The following RAB1A variants were observed in gnomAD, a reference collection of about 807,000 sequenced individuals.
RAB1A encodes the protein RAB1A, member RAS oncogene family.
RAB1A carries 2 observed loss-of-function variants against 26.0 expected under a neutral mutation model. That is an observed-to-expected ratio of 0.08 (90% CI 0.03 to 0.24). The LOEUF (loss-of-function observed/expected upper bound fraction) is 0.24. Ranked by LOEUF, RAB1A falls within the 10% of genes least tolerant of loss-of-function variation. The pLI is 1.00. For synonymous variants in RAB1A, 84 were observed against 84.9 expected (o/e 0.99, Z 0.06); for missense variants, 100 against 247.0 (o/e 0.40, Z 3.99).
intron 2 of RAB1A, among the ~76,000 whole-genome samples, chr2:65,101,368 A>G (rs1374146558): frequency 6.6e-6 from 1 of 152,122 alleles, no homozygotes; most frequent in Non-Finnish European, 1.5e-5. Context: ...TCAACTCCTC[A>G]GCCAATAGAT....
chr2:65,110,437 T>TCAA (rs1168204017), intron 1 of RAB1A, among the ~76,000 whole-genome samples: 2 of 47,388 alleles, frequency 4.2e-5, no homozygotes, highest in Non-Finnish European at 1.0e-4. Context: ...CGAGACCGTC[T>TCAA]CAAAAAAAAA....
intron 1 of RAB1A, among the ~76,000 whole-genome samples, chr2:65,124,630 T>C (rs1011376066): frequency 6.6e-6 from 1 of 152,082 alleles, no homozygotes; most frequent in Non-Finnish European, 1.5e-5. Flanking sequence ...CTATGCTTAG[T>C]AGAGACAGGG....
chr2:65,105,850 ACT>A (rs1669544575), intron 1 of RAB1A, among the ~76,000 whole-genome samples: 1 of 151,564 alleles, frequency 6.6e-6, no homozygotes, highest in African/African-American at 2.4e-5. Context: ...GCAACCTCCA[ACT>A]CCCTGGTTCA....
chr2:65,095,316 G>A (rs529934538), intron 3 of RAB1A, among the ~76,000 whole-genome samples: 10 of 150,924 alleles, frequency 6.6e-5, no homozygotes, highest in East Asian at 5.9e-4. Context: ...GACTATAAGC[G>A]TGAACCACGA....
chr2:65,125,167 G>A (rs1168828745), intron 1 of RAB1A, among the ~76,000 whole-genome samples: 6 of 151,858 alleles, frequency 4.0e-5, no homozygotes, highest in Non-Finnish European at 7.4e-5. Context: ...AGGGGATGGG[G>A]GCTAAAAATA....
intron 1 of RAB1A, among the ~76,000 whole-genome samples, chr2:65,124,699 G>A (rs1315933505): frequency 6.6e-6 from 1 of 152,046 alleles, no homozygotes; most frequent in Non-Finnish European, 1.5e-5. Flanking sequence ...CTACCGCCTG[G>A]GCCTCCCAAA....
chr2:65,089,453 C>T (rs576369370), intron 4 of RAB1A, among the ~76,000 whole-genome samples: 15 of 151,930 alleles, frequency 9.9e-5, no homozygotes, highest in Admixed American at 3.3e-4. Context: ...TGAGCTCAAT[C>T]GGCCCACCTT....
chr2:65,094,048 G>A (rs1166959776), intron 3 of RAB1A, among the ~76,000 whole-genome samples: 3 of 151,246 alleles, frequency 2.0e-5, no homozygotes, highest in Admixed American at 1.3e-4. Context: ...TTGGCTCACC[G>A]CAACCTCCAT....
At chr2:65,091,448 C>G (rs1296129080) in intron 3 of RAB1A, among the ~76,000 whole-genome samples, 1 of 152,200 alleles carries the variant, frequency 6.6e-6, no homozygotes, top group Non-Finnish European at 1.5e-5. Flanking sequence ...CTAGCACATT[C>G]TACCATGATT....
intron 1 of RAB1A, among the ~76,000 whole-genome samples, chr2:65,111,651 GTACCATGTATGTAAGATGT>G (rs1669697215): frequency 6.6e-6 from 1 of 152,170 alleles, no homozygotes; most frequent in Non-Finnish European, 1.5e-5. Flanking sequence ...TTGGACAAAT[GTACCATGTATGTAAGATGT>G]TACTATTAGG....
intron 1 of RAB1A, among the ~76,000 whole-genome samples, chr2:65,120,817 T>C (rs1274440512): frequency 1.3e-5 from 2 of 152,124 alleles, no homozygotes; most frequent in Non-Finnish European, 1.5e-5. Flanking sequence ...TAATTCCACT[T>C]AAGTACTATT....
intron 1 of RAB1A, among the ~76,000 whole-genome samples, chr2:65,126,617 T>C (rs1411177411): frequency 2.0e-5 from 3 of 152,204 alleles, no homozygotes; most frequent in African/African-American, 7.2e-5. Context: ...ACAATATAAA[T>C]TGGTAATGAT....
Position 65,129,953 on chromosome 2 carries a change from C to A in RAB1A, c.-38G>T, listed in dbSNP as rs753628441. 1.3e-6 allele frequency: 2 copies of A among 1,575,072 alleles called. No homozygotes were observed. The highest frequency in any genetic ancestry group is 1.2e-5 in the South Asian group (1 of 85,928). On this transcript the variant is annotated 5_prime_UTR_variant, in exon 1 of 6. Transcript: ENST00000409784. ...GCCGCCGCCGCCACCGCCGCCCTTG[C>A]TGCCGCAGCCGCCGCCCTGACTCTC...
intron 1 of RAB1A, among the ~76,000 whole-genome samples, chr2:65,114,902 G>A (rs1366173729): frequency 6.6e-6 from 1 of 151,866 alleles, no homozygotes; most frequent in Non-Finnish European, 1.5e-5. Flanking sequence ...AGCCTAATGA[G>A]AGGTGATTAG....
intron 1 of RAB1A, among the ~76,000 whole-genome samples, chr2:65,109,494 A>T (rs1188879247): frequency 6.6e-6 from 1 of 152,076 alleles, no homozygotes; most frequent in African/African-American, 2.4e-5. Context: ...ACCTGAGGTC[A>T]GGAGTTCAAG....
intron 1 of RAB1A, among the ~76,000 whole-genome samples, chr2:65,119,759 C>T (rs1250387752): frequency 8.0e-6 from 1 of 125,732 alleles, no homozygotes; most frequent in Non-Finnish European, 1.6e-5. Flanking sequence ...AATCCTAGCA[C>T]TTTGGGAGGC....
At chr2:65,119,008 G>A (rs943916889) in intron 1 of RAB1A, among the ~76,000 whole-genome samples, 4 of 151,852 alleles carry the variant, frequency 2.6e-5, no homozygotes, top group African/African-American at 7.3e-5. Flanking sequence ...GATACAACAT[G>A]TGAAACCCAG....
chr2:65,086,969 G>A lies in RAB1A; in HGVS notation c.*1524C>T, dbSNP rs1669046924. The stretch of plus-strand genomic sequence containing the variant: ...TATTTTTGTACCATGTATTTCAATT[G>A]CCTGTTTAGTGAAAAATAAAAATTA... On this transcript the variant is annotated 3_prime_UTR_variant, in exon 6 of 6. Coordinates refer to ENST00000409784, the MANE Select transcript of RAB1A (RefSeq NM_004161.5). The A allele has an allele frequency of 6.6e-6, 1 of 152,252 alleles. No homozygotes were observed. Among genetic ancestry groups the A allele is most frequent in the South Asian group, 2.1e-4 (1 of 4,816 alleles). 9.4% of individuals were successfully genotyped at this position (152,252 alleles called of 1,614,324 possible).
intron 2 of RAB1A, among the ~76,000 whole-genome samples, chr2:65,102,464 C>CT (rs747167145): frequency 1.3e-5 from 2 of 152,002 alleles, no homozygotes; most frequent in African/African-American, 4.8e-5. Flanking sequence ...GTGGTAAACT[C>CT]TAAGTTTTTT....
Sources: gnomAD v4.1 joint callset for allele counts (sites outside exome capture counted in the v4.1 genomes callset) on GRCh38, gnomAD v4.1.1 for gene constraint, MANE v1.5 for transcripts, NCBI Gene and HGNC (gene_info 2026-07-23, HGNC 2026-07-21) for gene names.